The following EPM2A variants were observed in gnomAD, a reference collection of about 807,000 sequenced individuals.
The protein encoded by EPM2A is laforin.
In EPM2A, 21 loss-of-function variants were observed where a neutral mutation model predicts 26.5. The observed-to-expected ratio is 0.79, with a 90% CI of 0.56 to 1.14. The LOEUF (loss-of-function observed/expected upper bound fraction) is 1.14, where lower values mean the gene tolerates loss of function less well. Among genes scored for constraint, EPM2A ranks in the 50% most tolerant of loss-of-function variants. The pLI is 0.00. For synonymous variants in EPM2A, 217 were observed against 177.6 expected (o/e 1.22, Z -1.76); for missense variants, 458 against 440.8 (o/e 1.04, Z -0.35).
In EPM2A at chr6:145,635,428, T is replaced by C; in HGVS notation, c.535A>G (p.Lys179Glu). ...GTAATCCCCAATTCATGCTTCAGTT[T>C]GATGGTTACATGTTCCACCTGACGA... ...CPRQVEHVTI[K>E]LKHELGITAV... The change falls in exon 3 of 4, where the codon AAA (lysine) becomes GAA (glutamate). Residue 179 changes from lysine (K) to glutamate (E), a missense_variant. Lys to Glu is a moderately conservative substitution (Grantham distance 56, BLOSUM62 1). Coordinates refer to ENST00000367519, the MANE Select transcript of EPM2A (RefSeq NM_005670.4). The C allele has an allele frequency of 6.2e-7, 1 of 1,614,096 alleles. No homozygotes were observed. Among genetic ancestry groups the C allele is most frequent in the South Asian group, 1.1e-5 (1 of 91,082 alleles).
chr6:145,445,833 G>A (rs958311808), intron 4 of EPM2A, among the ~76,000 whole-genome samples: 23 of 152,124 alleles, frequency 1.5e-4, no homozygotes, highest in African/African-American at 4.3e-4. Flanking sequence ...ATTGAGAGGC[G>A]GGGTCTATGT....
At chr6:145,561,829 T>A (rs1780808964) in intron 2 of EPM2A, among the ~76,000 whole-genome samples, 1 of 151,920 alleles carries the variant, frequency 6.6e-6, no homozygotes, top group African/African-American at 2.4e-5. Context: ...AATTCTAAGA[T>A]CTGAAATTAC....
At chr6:145,499,318 G>GT (rs1373777008), downstream of EPM2A, among the ~76,000 whole-genome samples, 3 of 152,050 alleles carry the variant, frequency 2.0e-5, no homozygotes, top group Non-Finnish European at 4.4e-5. Flanking sequence ...AGCATAACAT[G>GT]TTTTTTCCTA....
intron 2 of EPM2A, among the ~76,000 whole-genome samples, chr6:145,556,081 C>G (rs1467967467): frequency 6.6e-6 from 1 of 152,130 alleles, no homozygotes; most frequent in East Asian, 1.9e-4. Context: ...ACAATTACAG[C>G]CACTCTATTA....
In EPM2A at chr6:145,447,906, A is replaced by C. The variant is rs140344977; in HGVS notation, c.555+54616T>G. 3.1e-3 allele frequency among the ~76,000 whole-genome samples: 472 copies of C among 152,258 alleles called. 10 individuals are homozygous for C. In the East Asian group the frequency reaches 0.054, roughly 17 times the overall value. ...GTATTATTTTGTTGGTTAATAAGTA[A>C]GGCTTGAATTCATATATTGTTTTTA... On this transcript the variant is annotated intron_variant, in intron 4 of 4. Coordinates refer to the EPM2A transcript ENST00000638717.
chr6:145,388,396 G>A (rs193177645), intron 4 of EPM2A, among the ~76,000 whole-genome samples: 32 of 152,258 alleles, frequency 2.1e-4, no homozygotes, highest in Admixed American at 2.0e-3. Context: ...GTTTCTTGAA[G>A]TTACCAGGCA....
intron 2 of EPM2A, chr6:145,640,172 C>T (rs1027492309): frequency 9.2e-5 from 14 of 152,170 alleles, no homozygotes; most frequent in African/African-American, 3.4e-4. Flanking sequence ...CAAAGGAAGC[C>T]TCACTGGCAC....
chr6:145,555,637 C>T (rs1278532119), intron 2 of EPM2A, among the ~76,000 whole-genome samples: 1 of 152,096 alleles, frequency 6.6e-6, no homozygotes, highest in African/African-American at 2.4e-5. Context: ...TTCTCTTTGT[C>T]TCTCAACATA....
chr6:145,386,729 A>G (rs1405485202), intron 4 of EPM2A, among the ~76,000 whole-genome samples: 4 of 152,168 alleles, frequency 2.6e-5, no homozygotes, highest in Non-Finnish European at 1.5e-5. Flanking sequence ...AGGTAGTTGC[A>G]GTTTAAGTAG....
chr6:145,691,429 T>A (rs1239228290), intron 1 of EPM2A, among the ~76,000 whole-genome samples: 3 of 152,090 alleles, frequency 2.0e-5, no homozygotes, highest in Admixed American at 2.0e-4. Context: ...CAAAACATGC[T>A]TATGAAGGAA....
chr6:145,626,970 C>A lies in EPM2A; in HGVS notation c.*446G>T. ...GTTCAGGCTTCTAACCTTATTTCCT[C>A]CTTTGGCAACTGACCAGCTCACGCA... On this transcript the variant is annotated 3_prime_UTR_variant, in exon 4 of 4. Coordinates refer to ENST00000367519, the MANE Select transcript of EPM2A (RefSeq NM_005670.4). The A allele has an allele frequency of 3.8e-6, 4 of 1,043,262 alleles. No individual in the cohort carries two copies. Among genetic ancestry groups the A allele is most frequent in the Non-Finnish European group, 4.6e-6 (4 of 864,358 alleles). The allele number at this position is 1,043,262 out of a possible 1,614,324, so 64.6% of individuals were successfully genotyped here. A position where few individuals can be genotyped will look rare whatever the true frequency, so the allele number is the denominator to read the frequency against.
At chr6:145,525,710 T>C (rs1460177076) in intron 2 of EPM2A, among the ~76,000 whole-genome samples, 15 of 152,072 alleles carry the variant, frequency 9.9e-5, no homozygotes, top group Admixed American at 9.8e-4. Context: ...ATTTTTAGGA[T>C]TTTCTAGGTA....
chr6:145,594,823 T>A (rs892207271), intron 2 of EPM2A, among the ~76,000 whole-genome samples: 1 of 151,876 alleles, frequency 6.6e-6, no homozygotes, highest in Non-Finnish European at 1.5e-5. Flanking sequence ...ATTATACATG[T>A]TCCCTAGTGA....
chr6:145,455,861 GAC>G (rs1779256789), intron 4 of EPM2A, among the ~76,000 whole-genome samples: 1 of 152,074 alleles, frequency 6.6e-6, no homozygotes, highest in South Asian at 2.1e-4. Context: ...TCAGACATGA[GAC>G]TATAAATTTA....
intron 2 of EPM2A, among the ~76,000 whole-genome samples, chr6:145,567,814 C>T (rs1318329399): frequency 2.0e-5 from 3 of 152,204 alleles, no homozygotes; most frequent in Non-Finnish European, 4.4e-5. Flanking sequence ...GAGAGCCCAG[C>T]CATCACTCTC....
intron 4 of EPM2A, among the ~76,000 whole-genome samples, chr6:145,444,846 T>A (rs574920671): frequency 6.6e-6 from 1 of 152,364 alleles, no homozygotes; most frequent in Non-Finnish European, 1.5e-5. Context: ...TTGTTGCCAC[T>A]GCTGCTTATT....
At chr6:145,492,852 T>C (rs565358665) in intron 4 of EPM2A, among the ~76,000 whole-genome samples, 71 of 152,252 alleles carry the variant, frequency 4.7e-4, no homozygotes, top group African/African-American at 1.7e-3. Context: ...GGGCACAGGA[T>C]TGGGGGCAGG....
chr6:145,719,712 C>G (rs1417726825), intron 1 of EPM2A, among the ~76,000 whole-genome samples: 1 of 152,170 alleles, frequency 6.6e-6, no homozygotes, highest in Non-Finnish European at 1.5e-5. Context: ...TTCCCCTCAA[C>G]TAAAAATATC....
intron 4 of EPM2A, among the ~76,000 whole-genome samples, chr6:145,464,312 G>A (rs775369781): frequency 1.6e-4 from 25 of 152,116 alleles, no homozygotes; most frequent in Admixed American, 3.3e-4. Context: ...CAGCCATGCA[G>A]AGCTGTAAGT....
Sources: allele counts gnomAD v4.1 joint callset (sites outside exome capture counted in the v4.1 genomes callset), GRCh38; gene constraint gnomAD v4.1.1; transcripts MANE v1.5; gene names NCBI Gene and HGNC (gene_info 2026-07-23, HGNC 2026-07-21).